The following DET1 variants were observed in gnomAD, a reference collection of about 807,000 sequenced individuals.
DET1 encodes the protein DET1 homolog.
DET1 carries 22 observed loss-of-function variants against 43.7 expected under a neutral mutation model. That is an observed-to-expected ratio of 0.50 (90% CI 0.36 to 0.72). DET1 has a LOEUF of 0.72. Ranked by LOEUF, DET1 falls within the 30% of genes least tolerant of loss-of-function variation. DET1 has a pLI of 0.00. For synonymous variants in DET1, 315 were observed against 266.2 expected (o/e 1.18, Z -1.79); for missense variants, 713 against 713.3 (o/e 1.00, Z 0.00).
intron 3 of DET1, 49 bp from the exon 4 acceptor site, chr15:88,517,022 C>A: frequency 1.4e-6 from 2 of 1,392,002 alleles, no homozygotes; most frequent in Admixed American, 3.0e-5. Flanking sequence ...GTACACAAAG[C>A]TGTCTTGAAT....
Position 88,527,706 on chromosome 15 carries a change from C to G in DET1, c.1164G>C (p.Glu388Asp), listed in dbSNP as rs1259868435. The change falls in exon 3 of 5, where the codon GAG becomes GAC. Residue 388 changes from glutamate (E) to aspartate (D), a missense_variant. Glu to Asp is a conservative substitution (Grantham distance 45, BLOSUM62 2). Coordinates refer to ENST00000268148, the MANE Select transcript of DET1 (RefSeq NM_001144074.3). ...VFENTSDELLELFENFCDLFR... is the reference protein window; with the variant it reads ...VFENTSDELLDLFENFCDLFR... ...AAAGGTCACAGAAGTTCTCAAAGAG[C>G]TCCAAAAGCTCATCTGATGTATTCT... 3 of 1,613,784 alleles carry G rather than the reference C, an allele frequency of 1.9e-6. No individual in the cohort carries two copies. The African/African-American group carries it at 4.0e-5, about 22-fold the overall frequency.
intron 1 of DET1, among the ~76,000 whole-genome samples, chr15:88,540,084 G>A (rs1296537558): frequency 1.3e-5 from 2 of 151,692 alleles, no homozygotes; most frequent in Admixed American, 6.6e-5. Context: ...TGCACATTTC[G>A]GTTTCCACTG....
At chr15:88,527,880 A>G in intron 2 of DET1, 94 bp from the exon 3 acceptor site, 1 of 961,062 alleles carries the variant, frequency 1.0e-6, no homozygotes, top group Non-Finnish European at 1.4e-6. Flanking sequence ...AATTCAAGGC[A>G]TGAATTTTCC....
intron 3 of DET1, among the ~76,000 whole-genome samples, chr15:88,524,955 TA>T (rs963595303): frequency 2.2e-4 from 33 of 151,746 alleles, no homozygotes; most frequent in East Asian, 5.8e-4. Flanking sequence ...TAAATACTAT[TA>T]AAAAAAAATT....
chr15:88,533,691 T>C (rs192099042), intron 1 of DET1, among the ~76,000 whole-genome samples: 3 of 151,652 alleles, frequency 2.0e-5, no homozygotes, highest in Admixed American at 1.3e-4. Flanking sequence ...AACAGACAAA[T>C]ACTGTATGAT....
At chr15:88,521,116 A>ATTTC (rs1333837211) in intron 3 of DET1, among the ~76,000 whole-genome samples, 1 of 152,166 alleles carries the variant, frequency 6.6e-6, no homozygotes, top group Non-Finnish European at 1.5e-5. Context: ...CTCTGACCCT[A>ATTTC]TTTCCAAGTA....
At chr15:88,537,001 T>C (rs2056970025) in intron 1 of DET1, among the ~76,000 whole-genome samples, 1 of 152,096 alleles carries the variant, frequency 6.6e-6, no homozygotes, top group Non-Finnish European at 1.5e-5. Flanking sequence ...GAGGTATTTA[T>C]TCATATTCTG....
intron 1 of DET1, among the ~76,000 whole-genome samples, chr15:88,541,659 C>T (rs535389017): frequency 6.6e-5 from 10 of 152,282 alleles, no homozygotes; most frequent in Admixed American, 3.3e-4. Context: ...AGCCGTGTGG[C>T]GGGTTGTTAC....
intron 3 of DET1, among the ~76,000 whole-genome samples, chr15:88,522,937 A>T (rs1436709964): frequency 6.7e-6 from 1 of 148,968 alleles, no homozygotes; most frequent in Non-Finnish European, 1.5e-5. Context: ...TCTGGAATGC[A>T]GTAGCTTGAT....
intron 1 of DET1, among the ~76,000 whole-genome samples, chr15:88,538,411 TTA>T (rs1427017420): frequency 2.6e-5 from 4 of 151,040 alleles, no homozygotes; most frequent in Non-Finnish European, 5.9e-5. Flanking sequence ...CTGGAACTGT[TTA>T]CTTTCCTGTA....
At position 88,506,028 on chromosome 15, in the gene DET1, G is replaced by A. The variant is rs1271648420; in HGVS notation, c.*2066-2041C>T. Among the ~76,000 whole-genome samples the A allele has an allele frequency of 2.0e-5, 3 of 152,156 alleles. No individual in the cohort carries two copies. In the East Asian group the frequency reaches 5.8e-4, roughly 29 times the overall value. On this transcript the variant is annotated intron_variant and NMD_transcript_variant, in intron 7 of 8. Transcript: ENST00000557842. ...TTATGTCAGGTGGTCACTAGGAAAT[G>A]AAGAGGTACAACCTGGGCTGGGAGC...
intron 2 of DET1, among the ~76,000 whole-genome samples, chr15:88,528,682 T>G (rs1423699958): frequency 6.6e-6 from 1 of 152,208 alleles, no homozygotes; most frequent in East Asian, 1.9e-4. Context: ...AATGTAGCAG[T>G]GTGAATCAAC....
chr15:88,510,359 T>C (rs146732545), downstream of DET1, among the ~76,000 whole-genome samples: 32 of 152,258 alleles, frequency 2.1e-4, no homozygotes, highest in Admixed American at 7.2e-4. Context: ...CAGATTCCCA[T>C]TGGGACCTGA....
downstream of DET1, chr15:88,512,291 CA>C: frequency 1.0e-6 from 1 of 971,890 alleles, no homozygotes; most frequent in Non-Finnish European, 1.2e-6. Context: ...AATTACCAAG[CA>C]AAAACCCGAG....
chr15:88,509,072 G>A (rs1399443278), downstream of DET1, among the ~76,000 whole-genome samples: 1 of 152,224 alleles, frequency 6.6e-6, no homozygotes, highest in Non-Finnish European at 1.5e-5. Context: ...ACAGATGCAA[G>A]TCATAGCTAA....
At chr15:88,509,795 T>G (rs987340171), downstream of DET1, among the ~76,000 whole-genome samples, 1 of 152,244 alleles carries the variant, frequency 6.6e-6, no homozygotes, top group African/African-American at 2.4e-5. Context: ...AGTGGCCATA[T>G]GGTGAGGACC....
intron 1 of DET1, among the ~76,000 whole-genome samples, chr15:88,534,391 G>T (rs1212272872): frequency 1.3e-5 from 2 of 152,176 alleles, no homozygotes; most frequent in Non-Finnish European, 2.9e-5. Flanking sequence ...TAACAATAAA[G>T]TACCACTGAA....
rs1322073445 is a variant in DET1 at position 88,542,827 on chromosome 15, C to T, written c.-11+3713G>A. On this transcript the variant is annotated intron_variant, in intron 1 of 4. Coordinates refer to ENST00000268148, the MANE Select transcript of DET1 (RefSeq NM_001144074.3). ...AAGTAAAAGAGGTGAACAGGCCTCT[C>T]TAGGAAAAGACCAATGTGCCTATTG... is the stretch of plus-strand genomic sequence containing the variant. Among the ~76,000 whole-genome samples the T allele has an allele frequency of 2.0e-5, 3 of 152,000 alleles. No individual in the cohort carries two copies. In the East Asian group the frequency reaches 5.8e-4, roughly 29 times the overall value.
chr15:88,524,642 A>G (rs1311152790), intron 3 of DET1, among the ~76,000 whole-genome samples: 1 of 152,200 alleles, frequency 6.6e-6, no homozygotes, highest in East Asian at 1.9e-4. Flanking sequence ...TTGATCTGTG[A>G]CCTTACCCCC....
Sources: gnomAD v4.1 joint callset for allele counts (sites outside exome capture counted in the v4.1 genomes callset) on GRCh38, gnomAD v4.1.1 for gene constraint, MANE v1.5 for transcripts, NCBI Gene and HGNC (gene_info 2026-07-23, HGNC 2026-07-21) for gene names.